MACROD2: variants seen among roughly 807,000 people sequenced by gnomAD.
MACROD2 encodes mono-ADP ribosylhydrolase 2, also known as ADP-ribose glycohydrolase MACROD2.
Under a neutral mutation model 70.4 loss-of-function variants are expected in MACROD2, and 36 were observed. The ratio of observed to expected loss-of-function variants is 0.51; its 90% CI spans 0.39 to 0.68. The LOEUF (loss-of-function observed/expected upper bound fraction) is 0.68, where lower values mean the gene tolerates loss of function less well. Ranked by LOEUF, MACROD2 falls within the 30% of genes least tolerant of loss-of-function variation. The probability of loss-of-function intolerance (pLI) is 0.00; values close to 1 mark genes in which losing one functional copy is unlikely to be tolerated. For synonymous variants in MACROD2, 172 were observed against 178.8 expected (o/e 0.96, Z 0.30); for missense variants, 496 against 538.4 (o/e 0.92, Z 0.78).
rs56135937 is a variant in MACROD2, at chr20:14,811,905, G to A, written c.418+126946G>A. 2.5e-3 allele frequency among the ~76,000 whole-genome samples: 379 copies of A among 152,084 alleles called. 2 individuals carry two copies. Among genetic ancestry groups the A allele is most frequent in the African/African-American group, 8.8e-3 (366 of 41,498 alleles). On this transcript the variant is annotated intron_variant, in intron 5 of 17. Transcript: ENST00000684519. ...ACCATCTTGCGCCAGTTAGAATGGC[G>A]ATCATTAAAAAGTCAGGAAACAACA...
chr20:14,328,375 CATTATTTTCT>C (rs957028415), intron 3 of MACROD2, among the ~76,000 whole-genome samples: 3 of 151,950 alleles, frequency 2.0e-5, no homozygotes, highest in Non-Finnish European at 4.4e-5. Flanking sequence ...CCACATTTTT[CATTATTTTCT>C]ACCTCATAAC....
chr20:14,344,775 CT>C (rs2122673740), intron 3 of MACROD2, among the ~76,000 whole-genome samples: 1 of 152,282 alleles, frequency 6.6e-6, no homozygotes, highest in South Asian at 2.1e-4. Flanking sequence ...AAGTGTGTCA[CT>C]TTTTAAAGTT....
At chr20:15,039,345 C>G (rs1175211242) in intron 5 of MACROD2, among the ~76,000 whole-genome samples, 1 of 152,142 alleles carries the variant, frequency 6.6e-6, no homozygotes, top group African/African-American at 2.4e-5. Context: ...AGCTTATGAC[C>G]TGATCTTAGG....
intron 7 of MACROD2, among the ~76,000 whole-genome samples, chr20:15,433,459 C>CCAAAAA (rs2046388966): frequency 2.3e-5 from 2 of 88,284 alleles, no homozygotes; most frequent in South Asian, 6.9e-4. Context: ...ACAAGAGCTG[C>CCAAAAA]AAAAAAAAAA....
chr20:14,525,808 A>T (rs2085224386), intron 4 of MACROD2, among the ~76,000 whole-genome samples: 1 of 152,256 alleles, frequency 6.6e-6, no homozygotes, highest in African/African-American at 2.4e-5. Context: ...GTAAATGAAG[A>T]TATCAAATAA....
intron 4 of MACROD2, among the ~76,000 whole-genome samples, chr20:14,521,576 A>G (rs1021975301): frequency 3.3e-5 from 5 of 152,228 alleles, no homozygotes; most frequent in Non-Finnish European, 5.9e-5. Context: ...TGCCTGGCAC[A>G]TAGTAAGCAC....
intron 3 of MACROD2, among the ~76,000 whole-genome samples, chr20:14,086,610 G>T (rs1457344191): frequency 1.3e-5 from 2 of 152,270 alleles, no homozygotes; most frequent in East Asian, 3.9e-4. Context: ...TTAAGGAGGG[G>T]TTACTCACCT....
intron 5 of MACROD2, chr20:14,884,389 G>C (rs1463861233): frequency 6.6e-6 from 1 of 152,402 alleles, no homozygotes; most frequent in African/African-American, 2.4e-5. Context: ...CTATTTTCAA[G>C]ATATCTTACC....
chr20:15,216,842 C>A (rs1030687024), intron 5 of MACROD2, among the ~76,000 whole-genome samples: 5 of 152,166 alleles, frequency 3.3e-5, no homozygotes, highest in Non-Finnish European at 5.9e-5. Context: ...CACAGTCTAT[C>A]CTTTTTCTTT....
At chr20:15,144,534 T>C (rs1425541585) in intron 5 of MACROD2, among the ~76,000 whole-genome samples, 1 of 152,220 alleles carries the variant, frequency 6.6e-6, no homozygotes, top group African/African-American at 2.4e-5. Context: ...TTGAACTGAT[T>C]AAGTTTCTCT....
chr20:14,343,042 A>G (rs2083030885), intron 3 of MACROD2, among the ~76,000 whole-genome samples: 1 of 152,072 alleles, frequency 6.6e-6, no homozygotes, highest in South Asian at 2.1e-4. Context: ...AGAATAAGCT[A>G]GTAAAAGTCA....
chr20:14,002,324 A>G lies in MACROD2; in HGVS notation c.83A>G (p.Lys28Arg). Residue 28 changes from lysine to arginine, a missense_variant, in exon 2 of 18, where the codon AAA (lysine) becomes AGA (arginine). Physicochemically the swap from Lys to Arg is conservative, Grantham distance 26. Transcript: ENST00000684519. Reference sequence around the variant, plus strand: ...AAGATGACCTTAGAAGAGAGACGCAAAGAATACCTAAGAGACTATATTCCC... The same window carrying G: ...AAGATGACCTTAGAAGAGAGACGCAGAGAATACCTAAGAGACTATATTCCC... ...LLKMTLEERR[K>R]EYLRDYIPLN... The G allele has an allele frequency of 3.7e-6, 6 of 1,608,894 alleles. No homozygotes were observed. The highest frequency in any genetic ancestry group is 4.2e-6 in the Non-Finnish European group (5 of 1,178,166).
intron 6 of MACROD2, among the ~76,000 whole-genome samples, chr20:15,258,628 G>C (rs898803900): frequency 4.6e-5 from 7 of 151,984 alleles, no homozygotes; most frequent in Non-Finnish European, 7.4e-5. Flanking sequence ...ATGTTCACAC[G>C]ATGGTGAAAT....
At chr20:15,904,632 C>A (rs2065116014) in intron 10 of MACROD2, among the ~76,000 whole-genome samples, 1 of 151,946 alleles carries the variant, frequency 6.6e-6, no homozygotes, top group Non-Finnish European at 1.5e-5. Context: ...GTGGCTCACG[C>A]CTGTAATCCC....
intron 3 of MACROD2, among the ~76,000 whole-genome samples, chr20:14,474,677 A>C (rs1375630406): frequency 6.6e-6 from 1 of 152,072 alleles, no homozygotes; most frequent in East Asian, 1.9e-4. Context: ...ACATATTTAC[A>C]ATTTTATTTC....
chr20:14,977,781 G>GA (rs1809066274), intron 5 of MACROD2, among the ~76,000 whole-genome samples: 1 of 152,154 alleles, frequency 6.6e-6, no homozygotes, highest in African/African-American at 2.4e-5. Context: ...ATCAGAAAAC[G>GA]AAACTGGGAA....
At chr20:14,873,507 T>A (rs2073513153) in intron 5 of MACROD2, among the ~76,000 whole-genome samples, 1 of 152,138 alleles carries the variant, frequency 6.6e-6, no homozygotes, top group Non-Finnish European at 1.5e-5. Flanking sequence ...ACTCAGATGA[T>A]GGGATTTGAG....
chr20:14,773,957 G>C (rs2072203273), intron 5 of MACROD2, among the ~76,000 whole-genome samples: 1 of 152,060 alleles, frequency 6.6e-6, no homozygotes, highest in Non-Finnish European at 1.5e-5. Flanking sequence ...TGATAGGAAA[G>C]CATATTTAGA....
chr20:14,469,444 C>T (rs1489391740), intron 3 of MACROD2, among the ~76,000 whole-genome samples: 1 of 151,972 alleles, frequency 6.6e-6, no homozygotes, highest in African/African-American at 2.4e-5. Context: ...TTGTGGTGTT[C>T]TCTCTACTTC....
Sources: allele counts gnomAD v4.1 joint callset (sites outside exome capture counted in the v4.1 genomes callset), GRCh38; gene constraint gnomAD v4.1.1; transcripts MANE v1.5; gene names NCBI Gene and HGNC (gene_info 2026-07-23, HGNC 2026-07-21).